RFC3: variants seen among roughly 807,000 people sequenced by gnomAD.
RFC3 encodes replication factor C subunit 3, also known as A1 38 kDa subunit.
RFC3 carries 41 observed loss-of-function variants against 45.1 expected under a neutral mutation model. The ratio of observed to expected loss-of-function variants is 0.91; its 90% CI spans 0.71 to 1.18. The LOEUF is 1.18. RFC3 is among the 50% of genes most tolerant of loss of function. The pLI is 0.00. For synonymous variants in RFC3, 149 were observed against 144.0 expected (o/e 1.03, Z -0.25); for missense variants, 423 against 428.1 (o/e 0.99, Z 0.10).
intron 8 of RFC3, chr13:33,847,820 A>G (rs2082249243): frequency 6.6e-6 from 1 of 152,156 alleles, no homozygotes; most frequent in Non-Finnish European, 1.5e-5. Context: ...TGAACTTTTA[A>G]TTGACCTCAG....
At chr13:33,861,976 C>T (rs926886093) in intron 8 of RFC3, among the ~76,000 whole-genome samples, 2 of 152,148 alleles carry the variant, frequency 1.3e-5, no homozygotes, top group Non-Finnish European at 2.9e-5. Context: ...AGAAAGTTGC[C>T]TGTGAAAATA....
chr13:33,885,603 C>T (rs1208973383), intron 8 of RFC3, among the ~76,000 whole-genome samples: 3 of 152,180 alleles, frequency 2.0e-5, no homozygotes, highest in African/African-American at 7.2e-5. Context: ...TTATACTGAT[C>T]TCAGAGGTGT....
At chr13:33,860,906 T>A (rs1038174803) in intron 8 of RFC3, among the ~76,000 whole-genome samples, 6 of 64,806 alleles carry the variant, frequency 9.3e-5, no homozygotes, top group Non-Finnish European at 3.2e-4. Flanking sequence ...ATATTAAATA[T>A]ATATATATAT....
At chr13:33,852,458 C>G (rs144699082) in intron 8 of RFC3, among the ~76,000 whole-genome samples, 4 of 152,196 alleles carry the variant, frequency 2.6e-5, no homozygotes, top group African/African-American at 9.6e-5. Flanking sequence ...TTTTGGCTTC[C>G]CACTGAATCT....
rs2082153664 is a variant in RFC3, at chr13:33,836,271, T to C, written c.1047T>C (p.Asp349=). The change falls in exon 9 of 9, where the codon GAT becomes GAC. Residue 349 remains aspartate (D), a synonymous_variant. Transcript: ENST00000380071. ...FMALYKKFME[D]GLEGMMF ...CACTTTATAAGAAGTTCATGGAGGATGGATTGGAAGGCATGATGTTCTGAC... is the reference window on the plus strand; with the variant it reads ...CACTTTATAAGAAGTTCATGGAGGACGGATTGGAAGGCATGATGTTCTGAC... The C allele has an allele frequency of 5.6e-6, 9 of 1,613,204 alleles. No homozygotes were observed. In the East Asian group the frequency reaches 1.6e-4, roughly 28 times the overall value.
At chr13:33,857,494 C>T (rs2137525592) in intron 8 of RFC3, among the ~76,000 whole-genome samples, 1 of 152,282 alleles carries the variant, frequency 6.6e-6, no homozygotes, top group East Asian at 1.9e-4. Context: ...GCAATGCTCT[C>T]CCAAGGCAAT....
In RFC3 at chr13:33,878,752, A is replaced by G. The variant is rs1471731716; in HGVS notation, c.879+43535A>G. ...AAAAAAACTGACCAAGAAATTGTCT[A>G]TAATTTCCATACCAGCTTCCATGAG... On this transcript the variant is annotated intron_variant, in intron 8 of 8. Transcript: ENST00000434425. Among the ~76,000 whole-genome samples, 5 of 152,318 alleles carry G rather than the reference A, an allele frequency of 3.3e-5. No homozygotes were observed. The South Asian group carries it at 8.3e-4, about 25-fold the overall frequency.
In RFC3 at chr13:33,835,852, T is replaced by C. The variant is rs773403052; in HGVS notation, c.880-252T>C. Among the ~76,000 whole-genome samples, 6 of 152,194 alleles carry C rather than the reference T, an allele frequency of 3.9e-5. No individual in the cohort carries two copies. In the East Asian group the frequency reaches 9.6e-4, roughly 24 times the overall value. On this transcript the variant is annotated intron_variant, in intron 8 of 8. Coordinates refer to ENST00000380071, the MANE Select transcript of RFC3 (RefSeq NM_002915.4). ...GCTGCAGAAAGCATCCTTACACTTA[T>C]ATCCTTGCACTTTGTGCAGTTAAAT... is the stretch of plus-strand genomic sequence containing the variant.
chr13:33,951,689 A>G (rs1269736304), intron 8 of RFC3, among the ~76,000 whole-genome samples: 3 of 152,214 alleles, frequency 2.0e-5, no homozygotes, highest in Non-Finnish European at 4.4e-5. Flanking sequence ...AAATCATCTA[A>G]TAGAACTACT....
intron 8 of RFC3, among the ~76,000 whole-genome samples, chr13:33,852,371 A>C (rs1361370727): frequency 6.6e-6 from 1 of 152,154 alleles, no homozygotes; most frequent in African/African-American, 2.4e-5. Context: ...TCTTGCCTGT[A>C]AGGAGGCCTA....
intron 8 of RFC3, among the ~76,000 whole-genome samples, chr13:33,888,558 A>C (rs902790658): frequency 6.6e-6 from 1 of 152,200 alleles, no homozygotes; most frequent in South Asian, 2.1e-4. Context: ...TCCTGTATAC[A>C]ATAGATGCTC....
rs1341499292 is a variant in RFC3 at position 33,899,221 on chromosome 13, A to T, written c.879+64004A>T. Among the ~76,000 whole-genome samples, 16 of 149,382 alleles carry T rather than the reference A, an allele frequency of 1.1e-4. No homozygotes were observed. In the East Asian group the frequency reaches 3.1e-3, roughly 29 times the overall value. On this transcript the variant is annotated intron_variant, in intron 8 of 8. Coordinates refer to the RFC3 transcript ENST00000434425. ...CAATAAGACAAAAAAAAAAAAAAAA[A>T]AAAAAAAAGAACAAAATTACAGGCC...
chr13:33,840,051 A>G (rs1027932593), downstream of RFC3, among the ~76,000 whole-genome samples: 2 of 152,112 alleles, frequency 1.3e-5, no homozygotes, highest in African/African-American at 4.8e-5. Flanking sequence ...CTTTATGACT[A>G]GTTTCCAACA....
At chr13:33,902,057 G>A (rs2082644927) in intron 8 of RFC3, among the ~76,000 whole-genome samples, 1 of 152,028 alleles carries the variant, frequency 6.6e-6, no homozygotes. Flanking sequence ...CAAAAGCTGT[G>A]ATGGTGGAAT....
At chr13:33,938,717 A>G (rs1028549884) in intron 8 of RFC3, among the ~76,000 whole-genome samples, 5 of 152,132 alleles carry the variant, frequency 3.3e-5, no homozygotes, top group African/African-American at 9.7e-5. Context: ...CAGTGCTACT[A>G]TCAACATTTT....
chr13:33,853,289 G>A (rs1322887956), intron 8 of RFC3, among the ~76,000 whole-genome samples: 1 of 152,104 alleles, frequency 6.6e-6, no homozygotes, highest in Non-Finnish European at 1.5e-5. Flanking sequence ...TGCTATCTGA[G>A]ACCCAAATTG....
chr13:33,835,298 A>G (rs756817004), intron 8 of RFC3, 81 bp downstream of exon 8: 1 of 835,128 alleles, frequency 1.2e-6, no homozygotes, highest in Admixed American at 1.7e-5. Flanking sequence ...TTTTTGCAGT[A>G]TCAAGATATC....
intron 1 of RFC3, among the ~76,000 whole-genome samples, chr13:33,819,454 G>A (rs1027576965): frequency 7.2e-5 from 11 of 152,192 alleles, no homozygotes; most frequent in African/African-American, 2.6e-4. Flanking sequence ...ACCTTTCTTA[G>A]ATTTACAGAT....
At chr13:33,851,629 A>C (rs2082277220) in intron 8 of RFC3, among the ~76,000 whole-genome samples, 1 of 152,022 alleles carries the variant, frequency 6.6e-6, no homozygotes, top group Non-Finnish European at 1.5e-5. Context: ...TTGCTGTCTC[A>C]GGGGTGGCAG....
Sources: gnomAD v4.1 joint callset for allele counts (sites outside exome capture counted in the v4.1 genomes callset) on GRCh38, gnomAD v4.1.1 for gene constraint, MANE v1.5 for transcripts, NCBI Gene and HGNC (gene_info 2026-07-23, HGNC 2026-07-21) for gene names.